Variants in TPD52L1 observed in about 807,000 individuals in gnomAD.
TPD52L1 encodes the protein TPD52 like 1, also known as tumor protein D53.
Under a neutral mutation model 28.7 loss-of-function variants are expected in TPD52L1, and 18 were observed. The observed-to-expected ratio is 0.63, with a 90% CI of 0.43 to 0.93. TPD52L1 has a LOEUF of 0.93. Ranked by LOEUF, TPD52L1 falls within the 40% of genes least tolerant of loss-of-function variation. The pLI is 0.00. For missense variants in TPD52L1, 203 were observed against 254.8 expected (o/e 0.80, Z 1.39); for synonymous variants, 75 against 88.8 (o/e 0.84, Z 0.88).
At chr6:125,240,843 C>T (rs938788673) in intron 3 of TPD52L1, among the ~76,000 whole-genome samples, 2 of 152,036 alleles carry the variant, frequency 1.3e-5, no homozygotes, top group South Asian at 4.1e-4. Flanking sequence ...ATTGCTCTGG[C>T]TAAGACTTCC....
At position 125,171,740 on chromosome 6, in the gene TPD52L1, A is replaced by G. The variant is rs190269781; in HGVS notation, c.19+17770A>G. Among the ~76,000 whole-genome samples the G allele has an allele frequency of 3.6e-3, 546 of 152,288 alleles. 1 individual carries two copies. The highest frequency in any genetic ancestry group is 0.011 in the African/African-American group (470 of 41,548). ...TAGATGAGAGTGCAGTATGGCCGAC[A>G]CTTTGACTGCAGCTTCATGAGACCC... On this transcript the variant is annotated intron_variant, in intron 1 of 6. Transcript: ENST00000534000.
chr6:125,160,683 C>G (rs1790459996), intron 1 of TPD52L1, among the ~76,000 whole-genome samples: 1 of 152,164 alleles, frequency 6.6e-6, no homozygotes, highest in Non-Finnish European at 1.5e-5. Context: ...TATAAAAGTC[C>G]TAGCTGACAT....
rs200343475 is a variant in TPD52L1 at position 125,172,157 on chromosome 6, TTTTCTTTCTTTCTTTC to T, written c.19+18222_19+18237del. Reference sequence around the variant, plus strand: ...CTTTCTTTCTTTCTTTCTTTCTTTCTTTTCTTTCTTTCTTTCTTTCTTTCTTTCTTTCTTTCTTTCT... The same window carrying T: ...CTTTCTTTCTTTCTTTCTTTCTTTCTTTTCTTTCTTTCTTTCTTTCTTTCT... On this transcript the variant is annotated intron_variant, in intron 1 of 6. Transcript: ENST00000534000. Among the ~76,000 whole-genome samples, 238 of 54,006 alleles carry T rather than the reference TTTTCTTTCTTTCTTTC, an allele frequency of 4.4e-3. 5 individuals carry two copies. The highest frequency in any genetic ancestry group is 7.4e-3 in the South Asian group (9 of 1,218). The allele number at this position is 54,006 out of a possible 152,430, so 35.4% of individuals were successfully genotyped here.
intron 1 of TPD52L1, among the ~76,000 whole-genome samples, chr6:125,185,416 A>G (rs1295361671): frequency 1.3e-5 from 2 of 152,298 alleles, no homozygotes; most frequent in East Asian, 3.9e-4. Context: ...GAAAAATTCA[A>G]AAGAGCGTTT....
chr6:125,213,852 G>A (rs963990059), intron 1 of TPD52L1, among the ~76,000 whole-genome samples: 7 of 152,180 alleles, frequency 4.6e-5, no homozygotes, highest in African/African-American at 1.7e-4. Flanking sequence ...CAAGGACCAG[G>A]AAAGATGTAA....
Position 125,254,000 on chromosome 6 carries a change from C to G in TPD52L1, c.425+245C>G, listed in dbSNP as rs565640404. On this transcript the variant is annotated intron_variant, in intron 5 of 6. Coordinates refer to ENST00000534000, the MANE Select transcript of TPD52L1 (RefSeq NM_003287.4). The stretch of plus-strand genomic sequence containing the variant: ...AGTGACTTAACCTCAATTCTTTTAT[C>G]CATATATTGCAAGAAATAAGACCTA... 2.8e-5 allele frequency: 19 copies of G among 689,006 alleles called. No individual in the cohort carries two copies. The East Asian group carries it at 4.7e-4, about 17-fold the overall frequency. 42.7% of individuals were successfully genotyped at this position (689,006 alleles called of 1,614,324 possible). A position where few individuals can be genotyped will look rare whatever the true frequency, so the allele number is the denominator to read the frequency against.
intron 1 of TPD52L1, among the ~76,000 whole-genome samples, chr6:125,212,910 C>T (rs1794614715): frequency 6.6e-6 from 1 of 152,172 alleles, no homozygotes. Flanking sequence ...TAAAGCCTAC[C>T]TGTTTTCCAC....
chr6:125,218,424 C>T (rs767815351), intron 1 of TPD52L1, among the ~76,000 whole-genome samples: 6 of 152,118 alleles, frequency 3.9e-5, no homozygotes, highest in Non-Finnish European at 8.8e-5. Context: ...CTGTTCAGGT[C>T]TTTTGACCCA....
chr6:125,253,711 C>G lies in TPD52L1; in HGVS notation c.387-6C>G. The G allele has an allele frequency of 6.2e-7, 1 of 1,613,060 alleles. No individual in the cohort carries two copies. The highest frequency in any genetic ancestry group is 8.5e-7 in the Non-Finnish European group (1 of 1,179,640). ...TTTTCCCCTTTAATCTGCTTTTGCTCTGAAGTTACTCCATTCGCCATTCCA... is the reference window on the plus strand; with the variant it reads ...TTTTCCCCTTTAATCTGCTTTTGCTGTGAAGTTACTCCATTCGCCATTCCA... On this transcript the variant is annotated splice_polypyrimidine_tract_variant and splice_region_variant and intron_variant, in intron 4 of 6. Coordinates refer to ENST00000534000, the MANE Select transcript of TPD52L1 (RefSeq NM_003287.4).
At position 125,250,745 on chromosome 6, in the gene TPD52L1, C is replaced by T. The variant is rs539804583; in HGVS notation, c.386+2362C>T. ...AGGTTGTATTGACTGCCTTTCCTCCCGTTTCAATGTGGCTTTGTCTAGTAT... is the reference window on the plus strand; with the variant it reads ...AGGTTGTATTGACTGCCTTTCCTCCTGTTTCAATGTGGCTTTGTCTAGTAT... On this transcript the variant is annotated intron_variant, in intron 4 of 6. Transcript: ENST00000534000. Among the ~76,000 whole-genome samples, 6 of 152,272 alleles carry T rather than the reference C, an allele frequency of 3.9e-5. No individual in the cohort carries two copies. The East Asian group carries it at 7.7e-4, about 20-fold the overall frequency.
chr6:125,235,271 T>C (rs1014233469), intron 3 of TPD52L1, among the ~76,000 whole-genome samples: 21 of 152,020 alleles, frequency 1.4e-4, no homozygotes, highest in African/African-American at 5.1e-4. Context: ...TTACAGGGCC[T>C]GTGCAATACG....
intron 2 of TPD52L1, among the ~76,000 whole-genome samples, chr6:125,227,334 C>T (rs1164536979): frequency 6.6e-6 from 1 of 151,446 alleles, no homozygotes; most frequent in Non-Finnish European, 1.5e-5. Flanking sequence ...TAGTGAAAGA[C>T]TGGGGGGTTT....
intron 1 of TPD52L1, among the ~76,000 whole-genome samples, chr6:125,165,027 C>A (rs1790781380): frequency 7.3e-6 from 1 of 137,252 alleles, no homozygotes; most frequent in African/African-American, 2.9e-5. Context: ...GCAGTGGGAC[C>A]ACTTGAGCTC....
intron 4 of TPD52L1, chr6:125,252,343 G>GA (rs1417083726): frequency 4.7e-3 from 1,435 of 308,406 alleles, no homozygotes; most frequent in Middle Eastern, 0.01. Flanking sequence ...AAAAGAAGAA[G>GA]AAAAAAAAAC....
chr6:125,260,961 AAAGAAAGAAAG>A (rs1275175609), intron 6 of TPD52L1: 1 of 41,846 alleles, frequency 2.4e-5, no homozygotes, highest in Non-Finnish European at 3.7e-5. Flanking sequence ...AGAAAGAAAG[AAAGAAAGAAAG>A]AAAGAAAAGA....
chr6:125,249,116 C>CATATTATATACA (rs1235508627), intron 4 of TPD52L1, among the ~76,000 whole-genome samples: 2 of 150,924 alleles, frequency 1.3e-5, no homozygotes, highest in East Asian at 3.9e-4. Flanking sequence ...CATAGTTTTT[C>CATATTATATACA]ATATTATATA....
At position 125,197,932 on chromosome 6, in the gene TPD52L1, G is replaced by A. The variant is rs17052846; in HGVS notation, c.20-22146G>A. ...ATGCTGCAGCTCAAGGTCAGTGTGAGGCAGGCCAAGGGATCGGTTAGCCCT... is the reference window on the plus strand; with the variant it reads ...ATGCTGCAGCTCAAGGTCAGTGTGAAGCAGGCCAAGGGATCGGTTAGCCCT... On this transcript the variant is annotated intron_variant, in intron 1 of 6. Coordinates refer to ENST00000534000, the MANE Select transcript of TPD52L1 (RefSeq NM_003287.4). Among the ~76,000 whole-genome samples, 466 of 152,308 alleles carry A rather than the reference G, an allele frequency of 3.1e-3. 6 individuals carry two copies. The highest frequency in any genetic ancestry group is 1.0e-2 in the African/African-American group (414 of 41,568).
rs137924416 is a variant in TPD52L1, at chr6:125,208,505, G to A, written c.20-11573G>A. 6.2e-4 allele frequency among the ~76,000 whole-genome samples: 94 copies of A among 152,130 alleles called. 1 individual carries two copies. In the East Asian group the frequency reaches 0.016, roughly 26 times the overall value. On this transcript the variant is annotated intron_variant, in intron 1 of 6. Coordinates refer to ENST00000534000, the MANE Select transcript of TPD52L1 (RefSeq NM_003287.4). ...GAGGGAGCATCACCCTTGCAGTCTC[G>A]TGACATTTGTTATCAACTAATGCCT...
chr6:125,163,574 A>T (rs889309250), intron 1 of TPD52L1, among the ~76,000 whole-genome samples: 1 of 147,708 alleles, frequency 6.8e-6, no homozygotes, highest in Admixed American at 6.8e-5. Flanking sequence ...ACAAAGTGAC[A>T]CCCTGTCTAA....
Sources: allele counts gnomAD v4.1 joint callset (sites outside exome capture counted in the v4.1 genomes callset), GRCh38; gene constraint gnomAD v4.1.1; transcripts MANE v1.5; gene names NCBI Gene and HGNC (gene_info 2026-07-23, HGNC 2026-07-21).